DCAF6: variants seen among roughly 807,000 people sequenced by gnomAD.
DCAF6 encodes the protein DDB1 and CUL4 associated factor 6.
A neutral mutation model predicts 125.1 loss-of-function variants in DCAF6; 54 were observed. The ratio of observed to expected loss-of-function variants is 0.43; its 90% CI spans 0.35 to 0.54. The LOEUF (loss-of-function observed/expected upper bound fraction) is 0.54. Ranked by LOEUF, DCAF6 falls within the 20% of genes least tolerant of loss-of-function variation. The probability of loss-of-function intolerance (pLI) is 0.01; values close to 1 mark genes in which losing one functional copy is unlikely to be tolerated. For synonymous variants in DCAF6, 371 were observed against 390.4 expected (o/e 0.95, Z 0.58); for missense variants, 934 against 1,161.7 (o/e 0.80, Z 2.85).
chr1:167,975,570 C>T (rs542501200), intron 4 of DCAF6, among the ~76,000 whole-genome samples: 1 of 152,264 alleles, frequency 6.6e-6, no homozygotes, highest in East Asian at 1.9e-4. Context: ...ATTTATGATA[C>T]AGGGTCACAC....
At chr1:167,905,269 T>C in the DCAF6 span, 2 of 1,209,894 alleles carry the variant, frequency 1.7e-6, no homozygotes, top group Non-Finnish European at 2.4e-6. Flanking sequence ...TCTTTCTCCA[T>C]TTGTTTTGTT....
chr1:167,899,612 G>A, the DCAF6 span: 1 of 1,613,784 alleles, frequency 6.2e-7, no homozygotes, highest in Admixed American at 1.7e-5. Context: ...ACATGCTGAT[G>A]TGGCCAGCAG....
intron 17 of DCAF6, chr1:168,056,524 A>G: frequency 2.0e-6 from 1 of 501,514 alleles, no homozygotes; most frequent in Non-Finnish European, 3.1e-6. Context: ...ATAAATTCAC[A>G]CTCAATTTAT....
chr1:168,046,498 G>A (rs1558025253), intron 16 of DCAF6, among the ~76,000 whole-genome samples: 1 of 152,102 alleles, frequency 6.6e-6, no homozygotes, highest in African/African-American at 2.4e-5. Flanking sequence ...TTTGGGAAAT[G>A]TTTACTTTGC....
chr1:167,899,289 C>T, the DCAF6 span: 1 of 872,924 alleles, frequency 1.1e-6, no homozygotes, highest in Admixed American at 2.0e-5. Context: ...GCCTCTGTAG[C>T]CTAACCCAGA....
chr1:168,054,109 G>C lies in DCAF6; in HGVS notation c.2300+3176G>C, dbSNP rs146639548. The stretch of plus-strand genomic sequence containing the variant: ...GAAATGACAGCAATTCTAACATATA[G>C]AACTTTTTTATTGATAAAGCTAGAT... On this transcript the variant is annotated intron_variant, in intron 17 of 21. Transcript: ENST00000367840. Among the ~76,000 whole-genome samples the C allele has an allele frequency of 2.1e-3, 318 of 152,304 alleles. 2 individuals are homozygous for C. Among genetic ancestry groups the C allele is most frequent in the African/African-American group, 7.1e-3 (297 of 41,576 alleles).
At chr1:167,936,629 C>T (rs1671254030), upstream of DCAF6, 1 of 373,616 alleles carries the variant, frequency 2.7e-6, no homozygotes, top group Non-Finnish European at 4.9e-6. Context: ...TCGCCTCCGC[C>T]TCCGCCTCCT....
At chr1:167,978,344 A>G (rs1678568557) in intron 4 of DCAF6, among the ~76,000 whole-genome samples, 3 of 152,178 alleles carry the variant, frequency 2.0e-5, no homozygotes, top group African/African-American at 7.2e-5. Context: ...ACAGCATGTA[A>G]GAGGTCCTGT....
intron 21 of DCAF6, among the ~76,000 whole-genome samples, chr1:168,070,581 A>G (rs1692903977): frequency 6.6e-6 from 1 of 152,194 alleles, no homozygotes; most frequent in African/African-American, 2.4e-5. Context: ...CAAACTACAA[A>G]TACTTACCTA....
intron 7 of DCAF6, among the ~76,000 whole-genome samples, chr1:167,996,005 T>A (rs1006638679): frequency 6.6e-6 from 1 of 152,186 alleles, no homozygotes; most frequent in African/African-American, 2.4e-5. Context: ...AAGGACTATG[T>A]TCTGTATAAG....
the DCAF6 span, chr1:167,899,660 A>G: frequency 6.2e-7 from 1 of 1,604,888 alleles, no homozygotes; most frequent in Non-Finnish European, 8.5e-7. Flanking sequence ...GGTTTGCACA[A>G]GAAGTTCTGG....
rs1692227819 is a variant in DCAF6, at chr1:168,065,616, T to C, written c.2466T>C (p.Ala822=). The change falls in exon 19 of 22, where the codon GCT becomes GCC. Residue 822 remains alanine (A), a synonymous_variant. Coordinates refer to ENST00000367840, the MANE Select transcript of DCAF6 (RefSeq NM_001198956.2). ...TMIKEANFWG[A]NFVMSGSDCG... ...TAAAAGAAGCCAATTTCTGGGGTGC[T>C]AACTTTGTAATGAGTGGTTCTGACT... The C allele has an allele frequency of 6.2e-7, 1 of 1,608,688 alleles. No homozygotes were observed. Among genetic ancestry groups the C allele is most frequent in the African/African-American group, 1.3e-5 (1 of 74,908 alleles).
intron 7 of DCAF6, among the ~76,000 whole-genome samples, chr1:167,993,982 TACTA>T (rs1200812530): frequency 6.6e-5 from 10 of 152,234 alleles, no homozygotes; most frequent in Admixed American, 2.0e-4. Flanking sequence ...TACTAATAGT[TACTA>T]ATTACTAATT....
At chr1:167,915,607 T>C in the DCAF6 span, among the ~76,000 whole-genome samples, 4 of 152,108 alleles carry the variant, frequency 2.6e-5, no homozygotes, top group African/African-American at 7.2e-5. Flanking sequence ...TGTGCCACCA[T>C]ACCCAGCTAA....
At chr1:167,924,765 C>A in the DCAF6 span, among the ~76,000 whole-genome samples, 3 of 152,088 alleles carry the variant, frequency 2.0e-5, no homozygotes, top group East Asian at 1.9e-4. Flanking sequence ...ATAGGTTCAA[C>A]TGTATGCAAA....
intron 3 of DCAF6, among the ~76,000 whole-genome samples, chr1:167,973,139 T>C (rs1677594330): frequency 6.6e-6 from 1 of 152,248 alleles, no homozygotes; most frequent in Non-Finnish European, 1.5e-5. Flanking sequence ...ATATTTATCT[T>C]GTTTAAAGGC....
At chr1:167,888,385 A>T in the DCAF6 span, among the ~76,000 whole-genome samples, 2 of 152,076 alleles carry the variant, frequency 1.3e-5, no homozygotes, top group East Asian at 1.9e-4. Context: ...ACATTCTTCC[A>T]ATCTATAAGC....
the DCAF6 span, among the ~76,000 whole-genome samples, chr1:167,889,492 A>C: frequency 6.9e-4 from 103 of 149,554 alleles, no homozygotes; most frequent in Non-Finnish European, 4.5e-4. Flanking sequence ...TTTGCTGAGG[A>C]TTTTTACATC....
At chr1:167,977,970 C>T (rs990361006) in intron 4 of DCAF6, among the ~76,000 whole-genome samples, 2 of 151,976 alleles carry the variant, frequency 1.3e-5, no homozygotes, top group Non-Finnish European at 2.9e-5. Context: ...TGTTTTTGAA[C>T]GTTATATAAA....
Sources: allele counts gnomAD v4.1 joint callset (sites outside exome capture counted in the v4.1 genomes callset), GRCh38; gene constraint gnomAD v4.1.1; transcripts MANE v1.5; gene names NCBI Gene and HGNC (gene_info 2026-07-23, HGNC 2026-07-21).